RAP1GAP2: variants seen among roughly 807,000 people sequenced by gnomAD.
RAP1GAP2 encodes the protein RAP1 GTPase activating protein 2.
In RAP1GAP2, 27 loss-of-function variants were observed where a neutral mutation model predicts 95.0. The observed-to-expected ratio is 0.28, with a 90% CI of 0.21 to 0.39. RAP1GAP2 has a LOEUF of 0.39. Among genes scored for constraint, RAP1GAP2 ranks in the 10% least tolerant of loss-of-function variants. RAP1GAP2 has a pLI of 1.00. For synonymous variants in RAP1GAP2, 373 were observed against 380.9 expected, an observed-to-expected ratio of 0.98 and a Z score of 0.24; for missense variants, 771 against 970.0, an observed-to-expected ratio of 0.79 and a Z score of 2.72.
intron 23 of RAP1GAP2, among the ~76,000 whole-genome samples, chr17:3,031,956 G>A (rs895076488): frequency 2.0e-5 from 3 of 150,034 alleles, no homozygotes; most frequent in African/African-American, 7.4e-5. Context: ...ATGTGAGGTG[G>A]AAGGTGCTGG....
At chr17:2,809,736 C>T (rs745790200) in intron 2 of RAP1GAP2, among the ~76,000 whole-genome samples, 11 of 152,166 alleles carry the variant, frequency 7.2e-5, no homozygotes, top group Non-Finnish European at 1.5e-4. Context: ...GAGAAAGACT[C>T]GTGCCTCCCC....
At position 2,872,450 on chromosome 17, in the gene RAP1GAP2, T is replaced by C. The variant is rs185373613; in HGVS notation, c.81-32834T>C. 9.5e-3 allele frequency among the ~76,000 whole-genome samples: 1,441 copies of C among 151,694 alleles called. 20 individuals are homozygous for C. The highest frequency in any genetic ancestry group is 0.032 in the African/African-American group (1,324 of 41,276). On this transcript the variant is annotated intron_variant, in intron 2 of 24. Coordinates refer to ENST00000254695, the MANE Select transcript of RAP1GAP2 (RefSeq NM_015085.5). ...CTGCTTTGAAACAAAGACCGTTGGT[T>C]ACAGAGGCTTATCTCAGGAGGGGGC... is the stretch of plus-strand genomic sequence containing the variant.
rs1215284716 is a variant in RAP1GAP2 at position 3,018,106 on chromosome 17, G to A, written c.1540G>A (p.Gly514Ser). ...CCACTCCATGGAGACCATGGTGGGCGGCCAGAAGAAGTCGCACAGTGGGGG... is the reference window on the plus strand; with the variant it reads ...CCACTCCATGGAGACCATGGTGGGCAGCCAGAAGAAGTCGCACAGTGGGGG... Reference protein sequence around the residue: ...RSHSMETMVGGQKKSHSGGIP... With the variant: ...RSHSMETMVGSQKKSHSGGIP... The change falls in exon 18 of 25, where the codon GGC becomes AGC. Residue 514 changes from glycine to serine, a missense_variant. Gly to Ser is a moderately conservative substitution (Grantham distance 56, BLOSUM62 0). Coordinates refer to ENST00000254695, the MANE Select transcript of RAP1GAP2 (RefSeq NM_015085.5). The A allele has an allele frequency of 5.7e-6, 9 of 1,591,478 alleles. No homozygotes were observed. The highest frequency in any genetic ancestry group is 4.0e-5 in the African/African-American group (3 of 74,224).
rs1375644247 is a variant in RAP1GAP2 at position 3,035,222 on chromosome 17, A to C, written c.*1861A>C. The C allele has an allele frequency of 6.6e-6, 1 of 152,452 alleles. No individual in the cohort carries two copies. Among genetic ancestry groups the C allele is most frequent in the Non-Finnish European group, 1.5e-5 (1 of 68,004 alleles). The allele number at this position is 152,452 out of a possible 1,614,324, so 9.4% of individuals were successfully genotyped here. The stretch of plus-strand genomic sequence containing the variant: ...ATGAAGAGTCACCGTAGCAGCCCCC[A>C]CGGCTGGAAAGAGGCCTGTACGTTC... On this transcript the variant is annotated 3_prime_UTR_variant, in exon 25 of 25. Transcript: ENST00000254695. This position sits in a 1 kb window ranked among gnomAD's most constrained non-coding sequence, Gnocchi z 4.3.
chr17:2,800,196 G>C (rs145336379), intron 1 of RAP1GAP2: 2 of 985,428 alleles, frequency 2.0e-6, no homozygotes, highest in African/African-American at 3.5e-5. Flanking sequence ...CATACAAAGT[G>C]CTTACGATCC....
At chr17:2,759,856 A>G (rs946214604) in intron 1 of RAP1GAP2, among the ~76,000 whole-genome samples, 1 of 152,170 alleles carries the variant, frequency 6.6e-6, no homozygotes, top group African/African-American at 2.4e-5. Flanking sequence ...TTGAGATTAT[A>G]GATTTGAGCC....
intron 2 of RAP1GAP2, among the ~76,000 whole-genome samples, chr17:2,885,989 G>C (rs1045536002): frequency 6.6e-6 from 1 of 152,098 alleles, no homozygotes; most frequent in Non-Finnish European, 1.5e-5. Context: ...GCAGGTGCTG[G>C]GTTTGCCCCC....
chr17:2,874,779 AGAAGTTCTTGAAGTTC>A (rs1200441379), intron 2 of RAP1GAP2, among the ~76,000 whole-genome samples: 1 of 152,148 alleles, frequency 6.6e-6, no homozygotes, highest in African/African-American at 2.4e-5. Context: ...CCTGTATAGC[AGAAGTTCTTGAAGTTC>A]TGCCTCTGCT....
At chr17:3,028,211 G>A (rs906796467) in intron 22 of RAP1GAP2, among the ~76,000 whole-genome samples, 3 of 152,276 alleles carry the variant, frequency 2.0e-5, no homozygotes, top group South Asian at 4.1e-4. Flanking sequence ...ATGCTTGTAC[G>A]AGGCCTGGAA....
intron 1 of RAP1GAP2, among the ~76,000 whole-genome samples, chr17:2,779,375 G>A (rs1208279076): frequency 6.6e-6 from 1 of 152,224 alleles, no homozygotes; most frequent in Non-Finnish European, 1.5e-5. Context: ...TGCCCAGGGT[G>A]GCTCAGATAG....
rs368333261 is a variant in RAP1GAP2, at chr17:2,965,367, G to C, written c.493-173G>C. On this transcript the variant is annotated intron_variant, in intron 7 of 24. Coordinates refer to ENST00000254695, the MANE Select transcript of RAP1GAP2 (RefSeq NM_015085.5). This position sits in a 1 kb window ranked among gnomAD's most constrained non-coding sequence, Gnocchi z 4.7. ...TTAAGCCCCTGGCACGGTGCCTGGC[G>C]CCTCCTGAGGATCCGGCCGTCGGTA... The C allele has an allele frequency of 6.6e-6, 4 of 608,260 alleles. No individual in the cohort carries two copies. The highest frequency in any genetic ancestry group is 1.2e-5 in the Non-Finnish European group (4 of 342,064). 37.7% of individuals were successfully genotyped at this position (608,260 alleles called of 1,614,324 possible).
chr17:2,874,626 A>G (rs539216290), intron 2 of RAP1GAP2, among the ~76,000 whole-genome samples: 1 of 152,286 alleles, frequency 6.6e-6, no homozygotes, highest in East Asian at 1.9e-4. Flanking sequence ...TGAACCAGTC[A>G]GAGGCCTCAG....
chr17:3,004,212 C>T lies in RAP1GAP2; in HGVS notation c.1201-1157C>T, dbSNP rs1232007789. On this transcript the variant is annotated intron_variant, in intron 14 of 24. Coordinates refer to ENST00000254695, the MANE Select transcript of RAP1GAP2 (RefSeq NM_015085.5). The surrounding 1 kb of genome is among the most constrained non-coding windows in gnomAD (Gnocchi z 4.1). ...GCTGCTGGAGCCCAGCCAGAAATCACGTCAGCCGAACGCGCACCATTTCCT... is the reference window on the plus strand; with the variant it reads ...GCTGCTGGAGCCCAGCCAGAAATCATGTCAGCCGAACGCGCACCATTTCCT... Among the ~76,000 whole-genome samples, 1 of 152,170 alleles carries T rather than the reference C, an allele frequency of 6.6e-6. No homozygotes were observed. Among genetic ancestry groups the T allele is most frequent in the African/African-American group, 2.4e-5 (1 of 41,396 alleles).
chr17:2,891,589 A>G (rs2073718636), intron 2 of RAP1GAP2, among the ~76,000 whole-genome samples: 1 of 147,720 alleles, frequency 6.8e-6, no homozygotes, highest in Non-Finnish European at 1.5e-5. Context: ...GAGCCCCCCC[A>G]TCCTCTAGTG....
At chr17:3,006,669 G>A (rs1033241076) in intron 16 of RAP1GAP2, among the ~76,000 whole-genome samples, 3 of 150,608 alleles carry the variant, frequency 2.0e-5, no homozygotes, top group African/African-American at 7.3e-5. Flanking sequence ...TCCTGACCTC[G>A]TGATCCGCCT....
chr17:2,801,361 G>C (rs1298439248), intron 2 of RAP1GAP2, among the ~76,000 whole-genome samples: 1 of 151,102 alleles, frequency 6.6e-6, no homozygotes, highest in Non-Finnish European at 1.5e-5. Flanking sequence ...TGTAATCCCA[G>C]ATACTCAGGA....
intron 3 of RAP1GAP2, among the ~76,000 whole-genome samples, chr17:2,926,091 G>C (rs1381607857): frequency 7.1e-6 from 1 of 141,816 alleles, no homozygotes; most frequent in African/African-American, 2.7e-5. Flanking sequence ...AGTGAGCCGA[G>C]ATCATGCCCG....
chr17:2,900,763 T>G (rs1403596832), intron 2 of RAP1GAP2, among the ~76,000 whole-genome samples: 1 of 152,208 alleles, frequency 6.6e-6, no homozygotes, highest in Non-Finnish European at 1.5e-5. Flanking sequence ...TTTTAACTCC[T>G]TGGTACTTTA....
chr17:2,940,239 C>A (rs551762151), intron 3 of RAP1GAP2, among the ~76,000 whole-genome samples: 109 of 152,210 alleles, frequency 7.2e-4, no homozygotes, highest in African/African-American at 2.5e-3. Flanking sequence ...GAAGGAGGAA[C>A]CGAGACCAGG....
Sources: gnomAD v4.1 joint callset for allele counts (sites outside exome capture counted in the v4.1 genomes callset) on GRCh38, gnomAD v4.1.1 for gene constraint, Gnocchi (gnomAD v3.1) non-coding constraint, MANE v1.5 for transcripts, NCBI Gene and HGNC (gene_info 2026-07-23, HGNC 2026-07-21) for gene names.